The following LMO1 variants were observed in gnomAD, a reference collection of about 807,000 sequenced individuals.
LMO1 encodes LIM domain only 1.
A neutral mutation model predicts 18.0 loss-of-function variants in LMO1; 10 were observed. The observed-to-expected ratio is 0.55, with a 90% CI of 0.34 to 0.94. LMO1 has a LOEUF of 0.94. LMO1 is among the 40% of genes least tolerant of loss of function. The pLI, the probability that LMO1 is intolerant of heterozygous loss-of-function variation, is 0.02. For synonymous variants in LMO1, 77 were observed against 77.9 expected, an observed-to-expected ratio of 0.99 and a Z score of 0.06; for missense variants, 183 against 205.7, an observed-to-expected ratio of 0.89 and a Z score of 0.68.
chr11:8,240,413 C>G (rs1042357682), intron 1 of LMO1, among the ~76,000 whole-genome samples: 1 of 152,188 alleles, frequency 6.6e-6, no homozygotes, highest in Non-Finnish European at 1.5e-5. Context: ...TTGAGGGAAG[C>G]TGACTCTGGT....
chr11:8,233,371 T>C (rs1590530391), intron 1 of LMO1, among the ~76,000 whole-genome samples: 2 of 152,156 alleles, frequency 1.3e-5, no homozygotes, highest in Non-Finnish European at 2.9e-5. Context: ...CCTGTGGCTA[T>C]GGGGTCCAGA....
chr11:8,264,750 G>A (rs539543488), upstream of LMO1, among the ~76,000 whole-genome samples: 1 of 152,118 alleles, frequency 6.6e-6, no homozygotes, highest in East Asian at 1.9e-4. Context: ...TTCTGCCTCA[G>A]CCTTCCGAGT....
intron 1 of LMO1, among the ~76,000 whole-genome samples, chr11:8,249,161 C>T (rs938679815): frequency 2.0e-5 from 3 of 152,192 alleles, no homozygotes; most frequent in Non-Finnish European, 2.9e-5. Flanking sequence ...AAGGCCACAG[C>T]TTCAGCACAG....
chr11:8,244,084 G>A (rs1244737895), intron 1 of LMO1, among the ~76,000 whole-genome samples: 1 of 152,258 alleles, frequency 6.6e-6, no homozygotes, highest in African/African-American at 2.4e-5. Flanking sequence ...GAACCACCCT[G>A]TGGGTAAGAG....
intron 1 of LMO1, among the ~76,000 whole-genome samples, chr11:8,252,844 A>C (rs10769889): frequency 0.57 from 86,172 of 152,242 alleles, 28,301 homozygotes; most frequent in Non-Finnish European, 0.73. Flanking sequence ...AGTAAAGATT[A>C]CTGGTCCACA....
chr11:8,232,259 GGTC>G (rs1952676715), intron 1 of LMO1, among the ~76,000 whole-genome samples: 2 of 152,152 alleles, frequency 1.3e-5, no homozygotes, highest in Non-Finnish European at 2.9e-5. Flanking sequence ...AAGGTTAATT[GGTC>G]TGAGAGAGGG....
intron 1 of LMO1, among the ~76,000 whole-genome samples, chr11:8,242,682 T>G (rs905723156): frequency 7.2e-5 from 11 of 152,184 alleles, no homozygotes; most frequent in African/African-American, 2.7e-4. Context: ...GCAACTCAGC[T>G]GCTCCCTGGG....
intron 1 of LMO1, among the ~76,000 whole-genome samples, chr11:8,256,408 G>A (rs949213618): frequency 3.3e-5 from 5 of 152,180 alleles, no homozygotes; most frequent in Non-Finnish European, 5.9e-5. Flanking sequence ...TCATGCTAGC[G>A]GACTACACCT....
intron 1 of LMO1, among the ~76,000 whole-genome samples, chr11:8,261,247 G>A (rs900485508): frequency 1.3e-5 from 2 of 152,172 alleles, no homozygotes; most frequent in African/African-American, 4.8e-5. Context: ...AGGCTGGACA[G>A]GCTGGGGATG....
chr11:8,244,119 C>T (rs1846846641), intron 1 of LMO1, among the ~76,000 whole-genome samples: 1 of 152,214 alleles, frequency 6.6e-6, no homozygotes, highest in Admixed American at 6.5e-5. Context: ...CCACCGTGGC[C>T]TCGGGCCTGC....
At chr11:8,226,799 G>A in intron 3 of LMO1, 176 bp downstream of exon 3, 2 of 1,237,304 alleles carry the variant, frequency 1.6e-6, no homozygotes, top group South Asian at 1.8e-5. Flanking sequence ...TGGCTACCGA[G>A]CTTACACACA....
At chr11:8,231,775 C>T (rs1349382926) in intron 1 of LMO1, among the ~76,000 whole-genome samples, 1 of 152,114 alleles carries the variant, frequency 6.6e-6, no homozygotes, top group East Asian at 1.9e-4. Flanking sequence ...TTCCTCCCAT[C>T]CCCTGGTGTC....
chr11:8,228,382 A>G (rs1418658449), intron 2 of LMO1, among the ~76,000 whole-genome samples: 1 of 152,258 alleles, frequency 6.6e-6, no homozygotes, highest in Non-Finnish European at 1.5e-5. Flanking sequence ...CGATTTGTCC[A>G]GCTCAAACTC....
At chr11:8,254,080 G>A (rs1367279834) in intron 1 of LMO1, among the ~76,000 whole-genome samples, 2 of 152,104 alleles carry the variant, frequency 1.3e-5, no homozygotes, top group African/African-American at 2.4e-5. Flanking sequence ...ACATAGCGGC[G>A]TATGAGAGGA....
At chr11:8,264,952 T>A (rs1847246407), upstream of LMO1, among the ~76,000 whole-genome samples, 1 of 152,244 alleles carries the variant, frequency 6.6e-6, no homozygotes. Context: ...TACTTTTAAA[T>A]CCCAAGTCTT....
In LMO1 at chr11:8,239,499, G is replaced by A. The variant is rs531657042; in HGVS notation, c.26-8995C>T. 4.6e-3 allele frequency among the ~76,000 whole-genome samples: 701 copies of A among 152,314 alleles called. 1 individual carries two copies. The highest frequency in any genetic ancestry group is 0.016 in the South Asian group (78 of 4,820). On this transcript the variant is annotated intron_variant, in intron 1 of 3. Coordinates refer to ENST00000335790, the MANE Select transcript of LMO1 (RefSeq NM_002315.3). Reference sequence around the variant, plus strand: ...ATGTAGAAGCAGAGCCAAGATGTCTGCATCGCAGCTTTGAGAAGGACAAAG... The same window carrying A: ...ATGTAGAAGCAGAGCCAAGATGTCTACATCGCAGCTTTGAGAAGGACAAAG...
At chr11:8,254,962 T>C (rs1847064992) in intron 1 of LMO1, among the ~76,000 whole-genome samples, 1 of 152,192 alleles carries the variant, frequency 6.6e-6, no homozygotes, top group African/African-American at 2.4e-5. Context: ...CTTCCTAAGG[T>C]TCTTATGGGT....
chr11:8,256,362 C>G (rs1847097731), intron 1 of LMO1, among the ~76,000 whole-genome samples: 1 of 152,214 alleles, frequency 6.6e-6, no homozygotes, highest in Non-Finnish European at 1.5e-5. Flanking sequence ...TGAAGTCACA[C>G]AGCAGTCAGC....
intron 2 of LMO1, among the ~76,000 whole-genome samples, chr11:8,228,568 G>T (rs982158476): frequency 4.0e-4 from 60 of 151,830 alleles, no homozygotes; most frequent in Non-Finnish European, 1.6e-4. Flanking sequence ...CATTCTCCAG[G>T]CCTGAGCAGC....
Sources: gnomAD v4.1 joint callset for allele counts (sites outside exome capture counted in the v4.1 genomes callset) on GRCh38, gnomAD v4.1.1 for gene constraint, MANE v1.5 for transcripts, NCBI Gene and HGNC (gene_info 2026-07-23, HGNC 2026-07-21) for gene names.